Variants in CMIP observed in about 807,000 individuals in gnomAD.
CMIP encodes the protein c-Maf inducing protein, also known as C-Maf-inducing protein.
A neutral mutation model predicts 97.3 loss-of-function variants in CMIP; 13 were observed. The observed-to-expected ratio is 0.13, with a 90% CI of 0.09 to 0.21. The LOEUF is 0.21. CMIP is among the 10% of genes least tolerant of loss of function. The pLI, the probability that CMIP is intolerant of heterozygous loss-of-function variation, is 1.00. For missense variants in CMIP, 847 were observed against 1,024.9 expected (o/e 0.83, Z 2.37); for synonymous variants, 538 against 436.3 (o/e 1.23, Z -2.91).
chr16:81,546,902 C>T lies in CMIP; in HGVS notation c.301-60665C>T, dbSNP rs145095468. ...TTCAGTGCTCCGTAGCCACGCGTGG[C>T]GAACAGCTCTTGTACTGGAGAGTGC... On this transcript the variant is annotated intron_variant, in intron 1 of 20. Transcript: ENST00000537098. Among the ~76,000 whole-genome samples the T allele has an allele frequency of 1.7e-3, 256 of 152,298 alleles. 1 individual carries two copies. The highest frequency in any genetic ancestry group is 5.9e-3 in the African/African-American group (245 of 41,572).
intron 3 of CMIP, chr16:81,645,245 C>A: frequency 1.7e-6 from 1 of 591,522 alleles, no homozygotes; most frequent in Non-Finnish European, 2.5e-6. Context: ...CGGGCTGGGT[C>A]CTCCCTGGCT....
At chr16:81,497,320 C>A (rs943178351) in intron 1 of CMIP, among the ~76,000 whole-genome samples, 1 of 152,200 alleles carries the variant, frequency 6.6e-6, no homozygotes, top group Non-Finnish European at 1.5e-5. Flanking sequence ...GTCCTCTCCA[C>A]CAATAACCCC....
At chr16:81,600,326 C>G (rs2091637699) in intron 1 of CMIP, among the ~76,000 whole-genome samples, 1 of 146,420 alleles carries the variant, frequency 6.8e-6, no homozygotes, top group South Asian at 2.2e-4. Context: ...TCACTATAGT[C>G]AAAAGATAGA....
At chr16:81,553,835 CT>C (rs1288720235) in intron 1 of CMIP, among the ~76,000 whole-genome samples, 3 of 152,262 alleles carry the variant, frequency 2.0e-5, no homozygotes, top group African/African-American at 7.2e-5. Context: ...AGACAAATTG[CT>C]GGTGGAGGGA....
chr16:81,515,464 G>C (rs952170022), intron 1 of CMIP, among the ~76,000 whole-genome samples: 12 of 152,186 alleles, frequency 7.9e-5, no homozygotes, highest in Non-Finnish European at 1.8e-4. Flanking sequence ...GCACCACTGG[G>C]CTTCTGTTTC....
At chr16:81,501,476 C>T (rs772600934) in intron 1 of CMIP, among the ~76,000 whole-genome samples, 3 of 151,994 alleles carry the variant, frequency 2.0e-5, no homozygotes, top group Non-Finnish European at 2.9e-5. Context: ...TATTAAATAG[C>T]GTCATCTGCA....
rs1393973589 is a variant in CMIP at position 81,614,900 on chromosome 16, G to T, written c.427-5976G>T. 6.6e-6 allele frequency among the ~76,000 whole-genome samples: 1 copy of T among 151,066 alleles called. No individual in the cohort carries two copies. Among genetic ancestry groups the T allele is most frequent in the African/African-American group, 2.4e-5 (1 of 41,050 alleles). ...TGGTATGTGCATGTGTGTGTGTCCT[G>T]TGTCTATATGTGGTGTGCATAGTGT... On this transcript the variant is annotated intron_variant, in intron 2 of 20. Transcript: ENST00000537098. The surrounding 1 kb of genome is among the most constrained non-coding windows in gnomAD (Gnocchi z 5.3).
chr16:81,701,858 G>T, intron 16 of CMIP, 58 bp downstream of exon 16: 1 of 1,601,332 alleles, frequency 6.2e-7, no homozygotes. Context: ...GGGGGCCAGG[G>T]CGGGATGCGG....
chr16:81,452,667 C>T (rs1480781072), intron 1 of CMIP, among the ~76,000 whole-genome samples: 1 of 152,006 alleles, frequency 6.6e-6, no homozygotes, highest in East Asian at 1.9e-4. Context: ...AGGAGATCAT[C>T]TGTGGAAATC....
At chr16:81,535,254 T>G (rs1046092667) in intron 1 of CMIP, among the ~76,000 whole-genome samples, 2 of 152,102 alleles carry the variant, frequency 1.3e-5, no homozygotes, top group Non-Finnish European at 2.9e-5. Flanking sequence ...GGCCCATAAT[T>G]TTTTTAAAAT....
intron 7 of CMIP, among the ~76,000 whole-genome samples, chr16:81,668,331 C>T (rs1268378936): frequency 1.3e-5 from 2 of 152,156 alleles, no homozygotes; most frequent in African/African-American, 4.8e-5. Flanking sequence ...GCCCTGGCCA[C>T]GACCCTGGGA....
intron 1 of CMIP, among the ~76,000 whole-genome samples, chr16:81,507,742 C>T (rs1179732810): frequency 6.6e-6 from 1 of 152,142 alleles, no homozygotes; most frequent in Non-Finnish European, 1.5e-5. Flanking sequence ...AACCAGGAGA[C>T]CTGAGTGGAA....
At chr16:81,477,845 G>T (rs1008702081) in intron 1 of CMIP, among the ~76,000 whole-genome samples, 5 of 152,218 alleles carry the variant, frequency 3.3e-5, no homozygotes, top group African/African-American at 1.2e-4. Context: ...AGTGGGAAAT[G>T]GGATCTTACC....
Position 81,701,797 on chromosome 16 carries a change from G to T in CMIP, c.1893G>T (p.Glu631Asp). 6.2e-7 allele frequency: 1 copy of T among 1,613,528 alleles called. No homozygotes were observed. The highest frequency in any genetic ancestry group is 8.5e-7 in the Non-Finnish European group (1 of 1,179,868). ...GTGACCGGCAGCGGGAGCTGAAGGAGCTGGTGAGTCCCCGGCTGCTCCGGA... is the reference window on the plus strand; with the variant it reads ...GTGACCGGCAGCGGGAGCTGAAGGATCTGGTGAGTCCCCGGCTGCTCCGGA... ...QLCDRQRELKELQRKGGPTRL... is the reference protein window; with the variant it reads ...QLCDRQRELKDLQRKGGPTRL... Residue 631 changes from glutamate (E) to aspartate (D), a missense_variant, in exon 16 of 21, where the codon GAG becomes GAT. Coordinates refer to ENST00000537098, the MANE Select transcript of CMIP (RefSeq NM_198390.3).
chr16:81,617,946 TG>T (rs2034745657), intron 2 of CMIP, among the ~76,000 whole-genome samples: 1 of 152,212 alleles, frequency 6.6e-6, no homozygotes, highest in African/African-American at 2.4e-5. Context: ...GGGATGTGGT[TG>T]TCCTCCTCCA....
chr16:81,709,684 C>T (rs1238775582), intron 20 of CMIP, 62 bp from the exon 21 acceptor site: 3 of 1,580,674 alleles, frequency 1.9e-6, no homozygotes, highest in East Asian at 2.2e-5. Context: ...TGGAGCCAGG[C>T]ACTGGCAGCT....
intron 10 of CMIP, among the ~76,000 whole-genome samples, chr16:81,679,628 G>A (rs1904664554): frequency 6.6e-6 from 1 of 152,040 alleles, no homozygotes; most frequent in South Asian, 2.1e-4. Flanking sequence ...CTGGGTGTGG[G>A]TGTAGGAGAC....
chr16:81,649,978 C>T (rs940800427), intron 3 of CMIP, among the ~76,000 whole-genome samples: 19 of 152,212 alleles, frequency 1.2e-4, no homozygotes, highest in African/African-American at 2.9e-4. Context: ...ATTCAGGCAG[C>T]GTGTCCTGCT....
intron 2 of CMIP, among the ~76,000 whole-genome samples, chr16:81,611,080 G>T (rs1038283710): frequency 1.3e-5 from 2 of 152,184 alleles, no homozygotes; most frequent in East Asian, 1.9e-4. Flanking sequence ...CAGCAGCCAC[G>T]CATGGCAGCC....
Sources: allele counts gnomAD v4.1 joint callset (sites outside exome capture counted in the v4.1 genomes callset), GRCh38; gene constraint gnomAD v4.1.1; non-coding constraint Gnocchi (gnomAD v3.1); transcripts MANE v1.5; gene names NCBI Gene and HGNC (gene_info 2026-07-23, HGNC 2026-07-21).